Variants in ALK observed in about 807,000 individuals in gnomAD.
The protein encoded by ALK is ALK receptor tyrosine kinase.
ALK carries 74 observed loss-of-function variants against 163.1 expected under a neutral mutation model. The ratio of observed to expected loss-of-function variants is 0.45; its 90% CI spans 0.38 to 0.55. The LOEUF (loss-of-function observed/expected upper bound fraction) is 0.55. Among genes scored for constraint, ALK ranks in the 20% least tolerant of loss-of-function variants. The pLI is 0.00. For missense variants in ALK, 2,063 were observed against 2,105.3 expected, an observed-to-expected ratio of 0.98 and a Z score of 0.39; for synonymous variants, 960 against 843.2, an observed-to-expected ratio of 1.14 and a Z score of -2.40.
rs549779212 is a variant in ALK, at chr2:29,699,203, G to A, written c.788-4189C>T. Among the ~76,000 whole-genome samples, 56 of 152,246 alleles carry A rather than the reference G, an allele frequency of 3.7e-4. 1 individual carries two copies. Among genetic ancestry groups the A allele is most frequent in the African/African-American group, 1.1e-3 (44 of 41,552 alleles). ...CTTAAGCAACCCAACCGCAGAGGCA[G>A]GTCCACACCCACCCAGGGGCAGGGG... On this transcript the variant is annotated intron_variant, in intron 2 of 28. Transcript: ENST00000389048.
chr2:29,263,016 G>A (rs541353742), intron 11 of ALK, among the ~76,000 whole-genome samples: 6 of 152,356 alleles, frequency 3.9e-5, no homozygotes, highest in African/African-American at 9.6e-5. Flanking sequence ...ACTTGGCTTC[G>A]GGCCAGAGTG....
intron 1 of ALK, among the ~76,000 whole-genome samples, chr2:29,789,032 T>TGTGTGTGTGTGTGTGC (rs1664120103): frequency 6.6e-6 from 1 of 150,836 alleles, no homozygotes; most frequent in Non-Finnish European, 1.5e-5. Context: ...TGTGTGTGTG[T>TGTGTGTGTGTGTGTGC]GTGTGTGTGT....
At chr2:29,734,365 A>G (rs1239812057) in intron 1 of ALK, among the ~76,000 whole-genome samples, 1 of 152,214 alleles carries the variant, frequency 6.6e-6, no homozygotes, top group East Asian at 1.9e-4. Context: ...ACATGAAAAA[A>G]AGATAAAGCT....
intron 3 of ALK, among the ~76,000 whole-genome samples, chr2:29,673,188 C>T (rs1271462486): frequency 2.1e-5 from 3 of 143,924 alleles, no homozygotes; most frequent in Non-Finnish European, 3.0e-5. Flanking sequence ...TTAATTAGAT[C>T]CCATTTGTCA....
chr2:29,402,578 T>G (rs1422795294), intron 4 of ALK, among the ~76,000 whole-genome samples: 3 of 152,226 alleles, frequency 2.0e-5, no homozygotes, highest in Non-Finnish European at 4.4e-5. Context: ...TATAATAGGT[T>G]TCTATTTTTT....
At chr2:29,360,019 C>A (rs187979551) in intron 5 of ALK, among the ~76,000 whole-genome samples, 1 of 152,210 alleles carries the variant, frequency 6.6e-6, no homozygotes, top group Non-Finnish European at 1.5e-5. Flanking sequence ...GTGGGCAGGC[C>A]TCAGTTTCCC....
chr2:29,268,493 G>A (rs1483628557), intron 11 of ALK, among the ~76,000 whole-genome samples: 1 of 152,106 alleles, frequency 6.6e-6, no homozygotes, highest in Non-Finnish European at 1.5e-5. Flanking sequence ...ACTTTGGCTC[G>A]TTCACAGCCT....
Position 29,784,686 on chromosome 2 carries a change from C to A in ALK, c.668-66989G>T, listed in dbSNP as rs915507591. ...TTCCAGGCTGGGTGACAGAGCAAGA[C>A]CTCCGTCTCAACAACAACAACAACA... On this transcript the variant is annotated intron_variant, in intron 1 of 28. Coordinates refer to ENST00000389048, the MANE Select transcript of ALK (RefSeq NM_004304.5). Among the ~76,000 whole-genome samples, 7 of 135,364 alleles carry A rather than the reference C, an allele frequency of 5.2e-5. No homozygotes were observed. In the East Asian group the frequency reaches 1.3e-3, roughly 26 times the overall value. 88.8% of individuals were successfully genotyped at this position (135,364 alleles called of 152,430 possible).
intron 5 of ALK, among the ~76,000 whole-genome samples, chr2:29,365,896 A>C (rs1019290811): frequency 6.6e-6 from 1 of 152,132 alleles, no homozygotes; most frequent in African/African-American, 2.4e-5. Context: ...CATTATTATG[A>C]CAATTACGAC....
At chr2:29,493,181 C>T (rs1309668474) in intron 4 of ALK, among the ~76,000 whole-genome samples, 1 of 152,160 alleles carries the variant, frequency 6.6e-6, no homozygotes, top group Non-Finnish European at 1.5e-5. Context: ...CTGTCCTCTG[C>T]CCTGTCCTGT....
intron 3 of ALK, among the ~76,000 whole-genome samples, chr2:29,596,942 A>C (rs962411823): frequency 3.9e-5 from 6 of 152,180 alleles, no homozygotes; most frequent in Non-Finnish European, 7.3e-5. Context: ...GGAGGGGTCC[A>C]ACCAAACTTT....
At chr2:29,541,518 T>C (rs1008305163) in intron 3 of ALK, among the ~76,000 whole-genome samples, 1 of 152,194 alleles carries the variant, frequency 6.6e-6, no homozygotes, top group Non-Finnish European at 1.5e-5. Context: ...CTTGAACTCC[T>C]GACCTCAAGT....
At chr2:29,363,855 G>A (rs1046626626) in intron 5 of ALK, among the ~76,000 whole-genome samples, 1 of 152,200 alleles carries the variant, frequency 6.6e-6, no homozygotes. Context: ...CTGTTTGAGA[G>A]CATTGAGAGA....
chr2:29,209,980 C>G (rs1278841178), intron 24 of ALK, 102 bp from the exon 25 acceptor site: 1 of 875,888 alleles, frequency 1.1e-6, no homozygotes, highest in East Asian at 2.5e-5. Flanking sequence ...TTAAATAGTT[C>G]CTTCCCTTCC....
intron 1 of ALK, among the ~76,000 whole-genome samples, chr2:29,731,146 A>T (rs1403808554): frequency 6.6e-6 from 1 of 152,188 alleles, no homozygotes; most frequent in African/African-American, 2.4e-5. Flanking sequence ...AAAGGGGTAA[A>T]ACTTGGCTCC....
At chr2:29,900,745 C>T (rs56156925) in intron 1 of ALK, among the ~76,000 whole-genome samples, 1,799 of 152,282 alleles carry the variant, frequency 0.012, 39 homozygotes, top group East Asian at 0.072. Context: ...CGCTCTGCTG[C>T]TTCATCACTC....
chr2:29,230,052 T>C (rs761503895), intron 15 of ALK, among the ~76,000 whole-genome samples: 29 of 152,212 alleles, frequency 1.9e-4, no homozygotes, highest in Non-Finnish European at 2.5e-4. Flanking sequence ...TACTGTTCCA[T>C]AGGACATTTG....
intron 9 of ALK, among the ~76,000 whole-genome samples, chr2:29,292,197 A>G (rs1666046555): frequency 6.6e-6 from 1 of 152,250 alleles, no homozygotes; most frequent in Non-Finnish European, 1.5e-5. Flanking sequence ...TGGAGCCTGC[A>G]CAGGTGTGAT....
rs1038218700 is a variant in ALK, at chr2:29,755,347, C to T, written c.668-37650G>A. Among the ~76,000 whole-genome samples, 4 of 152,238 alleles carry T rather than the reference C, an allele frequency of 2.6e-5. No individual in the cohort carries two copies. The South Asian group carries it at 8.3e-4, about 31-fold the overall frequency. On this transcript the variant is annotated intron_variant, in intron 1 of 28. Transcript: ENST00000389048. ...CAGGAAGCTCTAGAGTGTCAAACAT[C>T]CACACATCCTTGGCTCTGGGCTGAG...
Sources: gnomAD v4.1 joint callset for allele counts (sites outside exome capture counted in the v4.1 genomes callset) on GRCh38, gnomAD v4.1.1 for gene constraint, MANE v1.5 for transcripts, NCBI Gene and HGNC (gene_info 2026-07-23, HGNC 2026-07-21) for gene names.